The following DAPK1 variants were observed in gnomAD, a reference collection of about 807,000 sequenced individuals.
The protein encoded by DAPK1 is death associated protein kinase 1.
In DAPK1, 56 loss-of-function variants were observed where a neutral mutation model predicts 144.9. The ratio of observed to expected loss-of-function variants is 0.39; its 90% confidence interval spans 0.31 to 0.48. The LOEUF (loss-of-function observed/expected upper bound fraction) is 0.48, where lower values mean the gene tolerates loss of function less well. DAPK1 is among the 20% of genes least tolerant of loss of function. The pLI, the probability that DAPK1 is intolerant of heterozygous loss-of-function variation, is 0.95. For missense variants in DAPK1, 1,454 were observed against 1,875.4 expected (o/e 0.78, Z 4.15); for synonymous variants, 690 against 749.0 (o/e 0.92, Z 1.29).
chr9:87,690,702 T>G (rs1344012387), intron 21 of DAPK1, among the ~76,000 whole-genome samples: 1 of 152,054 alleles, frequency 6.6e-6, no homozygotes, highest in Non-Finnish European at 1.5e-5. Flanking sequence ...ATGTATGGCC[T>G]TTATTATGTT....
At chr9:87,651,318 A>G (rs1830435616) in intron 16 of DAPK1, among the ~76,000 whole-genome samples, 1 of 152,212 alleles carries the variant, frequency 6.6e-6, no homozygotes, top group East Asian at 1.9e-4. Context: ...GGCTGTGATT[A>G]TTTAGAGAGG....
intron 3 of DAPK1, among the ~76,000 whole-genome samples, chr9:87,620,585 AGG>A (rs1192344333): frequency 1.0e-4 from 12 of 115,176 alleles, no homozygotes; most frequent in Middle Eastern, 4.2e-3. Flanking sequence ...GGGGAGGGAG[AGG>A]GGAGGAGGAA....
chr9:87,594,762 G>A (rs2118902773), intron 2 of DAPK1, among the ~76,000 whole-genome samples: 1 of 152,368 alleles, frequency 6.6e-6, no homozygotes, highest in East Asian at 1.9e-4. Flanking sequence ...CCAGTCTCAA[G>A]TGGTGAAGAG....
chr9:87,575,607 C>A (rs553949107), intron 2 of DAPK1, among the ~76,000 whole-genome samples: 1 of 152,090 alleles, frequency 6.6e-6, no homozygotes, highest in Admixed American at 6.5e-5. Context: ...GGAGTGGCAT[C>A]AATATTATTT....
At chr9:87,574,747 C>T (rs1043322242) in intron 2 of DAPK1, among the ~76,000 whole-genome samples, 6 of 152,062 alleles carry the variant, frequency 3.9e-5, no homozygotes, top group African/African-American at 1.4e-4. Context: ...GGTGAAACCC[C>T]GTCTCTACTA....
At chr9:87,601,172 T>C (rs1187524784) in intron 2 of DAPK1, among the ~76,000 whole-genome samples, 1 of 152,168 alleles carries the variant, frequency 6.6e-6, no homozygotes, top group African/African-American at 2.4e-5. Flanking sequence ...CAATTCAAAT[T>C]AGACCTCACA....
At chr9:87,580,256 A>T (rs993955752) in intron 2 of DAPK1, among the ~76,000 whole-genome samples, 1 of 152,120 alleles carries the variant, frequency 6.6e-6, no homozygotes, top group African/African-American at 2.4e-5. Flanking sequence ...TCCTATTTTT[A>T]AAAATAAATA....
chr9:87,683,272 G>A (rs1172589217), intron 20 of DAPK1, among the ~76,000 whole-genome samples: 1 of 151,870 alleles, frequency 6.6e-6, no homozygotes, highest in Non-Finnish European at 1.5e-5. Flanking sequence ...TAGTAGAGAC[G>A]AGGTTTCACC....
chr9:87,617,389 A>G (rs7869808), intron 3 of DAPK1, among the ~76,000 whole-genome samples: 81,254 of 151,810 alleles, frequency 0.54, 24,122 homozygotes, highest in African/African-American at 0.79. Flanking sequence ...AACACCACCT[A>G]CCTCTTCTAC....
chr9:87,576,758 A>G (rs1486718526), intron 2 of DAPK1, among the ~76,000 whole-genome samples: 1 of 152,118 alleles, frequency 6.6e-6, no homozygotes, highest in African/African-American at 2.4e-5. Flanking sequence ...GGGTTTCACC[A>G]TGTTGGCCAG....
intron 2 of DAPK1, among the ~76,000 whole-genome samples, chr9:87,585,635 G>T (rs1196520900): frequency 6.6e-6 from 1 of 152,170 alleles, no homozygotes; most frequent in African/African-American, 2.4e-5. Context: ...CTTAGCTATG[G>T]TTCATCTGAG....
At chr9:87,597,787 A>G (rs1188696652) in intron 2 of DAPK1, among the ~76,000 whole-genome samples, 8 of 151,930 alleles carry the variant, frequency 5.3e-5, no homozygotes, top group African/African-American at 1.9e-4. Context: ...CTTCCTCTAG[A>G]AATACGAAGT....
intron 2 of DAPK1, 67 bp downstream of exon 2, chr9:87,499,206 G>A: frequency 1.5e-6 from 2 of 1,342,250 alleles, no homozygotes; most frequent in African/African-American, 2.9e-5. Context: ...GCCATTGGGT[G>A]GTAAACAAAT....
At chr9:87,633,439 C>G in intron 3 of DAPK1, 1 of 956,190 alleles carries the variant, frequency 1.0e-6, no homozygotes, top group Non-Finnish European at 1.2e-6. Flanking sequence ...ACTCTCCTAA[C>G]CTTTCTAATG....
chr9:87,685,358 G>A (rs781426064), intron 20 of DAPK1, among the ~76,000 whole-genome samples: 1 of 152,096 alleles, frequency 6.6e-6, no homozygotes, highest in Non-Finnish European at 1.5e-5. Flanking sequence ...TTTAAGTAAG[G>A]GATTACCTTG....
At chr9:87,677,718 G>A (rs1183923984) in intron 19 of DAPK1, among the ~76,000 whole-genome samples, 1 of 152,172 alleles carries the variant, frequency 6.6e-6, no homozygotes, top group Non-Finnish European at 1.5e-5. Context: ...CCTGTGGGAT[G>A]CTCACCATGG....
chr9:87,588,096 A>G (rs1332480220), intron 2 of DAPK1, among the ~76,000 whole-genome samples: 4 of 152,244 alleles, frequency 2.6e-5, no homozygotes, highest in Non-Finnish European at 5.9e-5. Flanking sequence ...ACAGCTAGTA[A>G]ATGGCAAAGC....
intron 3 of DAPK1, among the ~76,000 whole-genome samples, chr9:87,607,378 TC>T (rs1228759046): frequency 6.6e-6 from 1 of 152,168 alleles, no homozygotes; most frequent in Non-Finnish European, 1.5e-5. Flanking sequence ...TTCAGATAAT[TC>T]CCAGGTTGTG....
chr9:87,632,950 G>A, intron 3 of DAPK1: 1 of 956,424 alleles, frequency 1.0e-6, no homozygotes, highest in Non-Finnish European at 1.2e-6. Context: ...ATATACGTAG[G>A]GATGAAGGAG....
Sources: allele counts gnomAD v4.1 joint callset (sites outside exome capture counted in the v4.1 genomes callset), GRCh38; gene constraint gnomAD v4.1.1; transcripts MANE v1.5; gene names NCBI Gene and HGNC (gene_info 2026-07-23, HGNC 2026-07-21).